DAB1: variants seen among roughly 807,000 people sequenced by gnomAD.
The protein encoded by DAB1 is disabled homolog 1.
In DAB1, 15 loss-of-function variants were observed where a neutral mutation model predicts 64.6. That is an observed-to-expected ratio of 0.23 (90% CI 0.16 to 0.36). The LOEUF is 0.36. Ranked by LOEUF, DAB1 falls within the 10% of genes least tolerant of loss-of-function variation. The pLI, the probability that DAB1 is intolerant of heterozygous loss-of-function variation, is 1.00. For synonymous variants in DAB1, 235 were observed against 251.9 expected, an observed-to-expected ratio of 0.93 and a Z score of 0.64; for missense variants, 596 against 706.7, an observed-to-expected ratio of 0.84 and a Z score of 1.78.
intron 1 of DAB1, among the ~76,000 whole-genome samples, chr1:57,332,295 T>C (rs536527501): frequency 2.0e-5 from 3 of 152,132 alleles, no homozygotes; most frequent in African/African-American, 7.2e-5. Flanking sequence ...AAAATAAACA[T>C]CTTGCTTGTT....
chr1:57,592,763 A>C (rs528097560), intron 7 of DAB1, among the ~76,000 whole-genome samples: 24 of 152,328 alleles, frequency 1.6e-4, no homozygotes, highest in African/African-American at 5.5e-4. Context: ...CAGAAGCTGC[A>C]AGTCTAAGAT....
chr1:57,097,563 G>A (rs1406621169), intron 4 of DAB1, among the ~76,000 whole-genome samples: 1 of 152,128 alleles, frequency 6.6e-6, no homozygotes, highest in Admixed American at 6.5e-5. Context: ...TATGACACAG[G>A]CAGCAAATGT....
chr1:57,536,997 T>A (rs1428053738), intron 7 of DAB1, among the ~76,000 whole-genome samples: 2 of 152,122 alleles, frequency 1.3e-5, no homozygotes, highest in African/African-American at 4.8e-5. Context: ...GTTCTAAGTA[T>A]CAAATTCCTA....
intron 2 of DAB1, among the ~76,000 whole-genome samples, chr1:57,282,862 T>C (rs1672023361): frequency 6.6e-6 from 1 of 152,228 alleles, no homozygotes; most frequent in Admixed American, 6.5e-5. Context: ...ACCAAAACCC[T>C]GCCAAGACAG....
intron 7 of DAB1, among the ~76,000 whole-genome samples, chr1:57,625,151 C>T (rs949515038): frequency 2.0e-5 from 3 of 152,092 alleles, no homozygotes; most frequent in African/African-American, 7.2e-5. Context: ...TCCTTTTCTC[C>T]CTACTTCCCT....
At position 57,326,844 on chromosome 1, in the gene DAB1, T is replaced by C. The variant is rs1676198105; in HGVS notation, c.-136-35678A>G. Among the ~76,000 whole-genome samples the C allele has an allele frequency of 2.6e-5, 4 of 152,098 alleles. No homozygotes were observed. The South Asian group carries it at 8.3e-4, about 32-fold the overall frequency. On this transcript the variant is annotated intron_variant, in intron 1 of 14. Transcript: ENST00000371236. The stretch of plus-strand genomic sequence containing the variant: ...CCAATGTCCCTGCCTCCAAATACCA[T>C]CACACTGGGGGCTTAGGGCTTCAAC...
chr1:58,272,636 C>T (rs1661332974), intron 4 of DAB1, among the ~76,000 whole-genome samples: 1 of 137,758 alleles, frequency 7.3e-6, no homozygotes, highest in Non-Finnish European at 1.6e-5. Flanking sequence ...GTTAAAGTCT[C>T]CCATTATTAA....
chr1:58,085,658 G>GT (rs1360523083), intron 5 of DAB1, among the ~76,000 whole-genome samples: 1 of 151,740 alleles, frequency 6.6e-6, no homozygotes, highest in Non-Finnish European at 1.5e-5. Context: ...GTGAGCCACT[G>GT]TTCCCAACTA....
At chr1:57,536,809 A>G (rs1644735484) in intron 7 of DAB1, among the ~76,000 whole-genome samples, 1 of 151,194 alleles carries the variant, frequency 6.6e-6, no homozygotes. Flanking sequence ...AGCCTATTAC[A>G]TTGTTCTATC....
intron 3 of DAB1, among the ~76,000 whole-genome samples, chr1:58,489,572 T>C (rs1334520191): frequency 1.3e-5 from 2 of 152,314 alleles, no homozygotes; most frequent in Admixed American, 1.3e-4. Flanking sequence ...AATGTCCCTG[T>C]CTGACAGCTT....
intron 1 of DAB1, among the ~76,000 whole-genome samples, chr1:57,356,826 C>T (rs1447928490): frequency 6.6e-6 from 1 of 151,958 alleles, no homozygotes; most frequent in Non-Finnish European, 1.5e-5. Context: ...AAATTAACTG[C>T]CTCTCGCAAT....
chr1:57,082,770 CAT>C (rs1372471545), intron 4 of DAB1, among the ~76,000 whole-genome samples: 3 of 152,158 alleles, frequency 2.0e-5, no homozygotes, highest in Non-Finnish European at 2.9e-5. Flanking sequence ...TAAGTGAAAA[CAT>C]GCGGTATTTG....
intron 2 of DAB1, among the ~76,000 whole-genome samples, chr1:57,149,883 T>C (rs573834376): frequency 6.6e-6 from 1 of 152,332 alleles, no homozygotes; most frequent in South Asian, 2.1e-4. Context: ...ACACATGCCC[T>C]TCTTATGCCT....
chr1:57,439,430 T>TTTTTTG (rs1558381485), intron 7 of DAB1, among the ~76,000 whole-genome samples: 1 of 129,464 alleles, frequency 7.7e-6, no homozygotes, highest in Non-Finnish European at 1.6e-5. Flanking sequence ...TTTTTCTTTT[T>TTTTTTG]TTTTTTTTTT....
chr1:57,730,173 A>G (rs1647349132), intron 6 of DAB1, among the ~76,000 whole-genome samples: 2 of 152,264 alleles, frequency 1.3e-5, no homozygotes, highest in Non-Finnish European at 2.9e-5. Context: ...GTCATTGGGC[A>G]AAAGTGTTCA....
chr1:57,493,762 G>GCCCACACACACACACACACACACA (rs1414667024), intron 7 of DAB1, among the ~76,000 whole-genome samples: 1 of 150,094 alleles, frequency 6.7e-6, no homozygotes, highest in African/African-American at 2.5e-5. Context: ...CGTATTCACA[G>GCCCACACACACACACACACACACA]CTCACACACA....
chr1:58,384,885 C>T (rs1379761870), intron 3 of DAB1, among the ~76,000 whole-genome samples: 2 of 152,192 alleles, frequency 1.3e-5, no homozygotes, highest in Non-Finnish European at 2.9e-5. Flanking sequence ...TTTATTCTCG[C>T]CTAACTGGCA....
At chr1:57,467,383 A>T (rs998897344) in intron 7 of DAB1, among the ~76,000 whole-genome samples, 1 of 152,154 alleles carries the variant, frequency 6.6e-6, no homozygotes, top group Non-Finnish European at 1.5e-5. Flanking sequence ...TACTCAACTG[A>T]GGTCCACAGG....
intron 4 of DAB1, among the ~76,000 whole-genome samples, chr1:58,192,933 G>A (rs971098962): frequency 6.6e-6 from 1 of 152,132 alleles, no homozygotes; most frequent in Non-Finnish European, 1.5e-5. Context: ...AAAACAATGT[G>A]AATGTACACT....
Sources: allele counts gnomAD v4.1 joint callset (sites outside exome capture counted in the v4.1 genomes callset), GRCh38; gene constraint gnomAD v4.1.1; transcripts MANE v1.5; gene names NCBI Gene and HGNC (gene_info 2026-07-23, HGNC 2026-07-21).